Variants in TNRC6C observed in about 807,000 individuals in gnomAD.
TNRC6C encodes the protein trinucleotide repeat containing adaptor 6C.
Under a neutral mutation model 153.7 loss-of-function variants are expected in TNRC6C, and 20 were observed. The ratio of observed to expected loss-of-function variants is 0.13; its 90% CI spans 0.09 to 0.19. The LOEUF (loss-of-function observed/expected upper bound fraction) is 0.19, where lower values mean the gene tolerates loss of function less well. Among genes scored for constraint, TNRC6C ranks in the 10% least tolerant of loss-of-function variants. The pLI is 1.00. For missense variants in TNRC6C, 1,987 were observed against 2,172.0 expected, an observed-to-expected ratio of 0.91 and a Z score of 1.69; for synonymous variants, 811 against 841.4, an observed-to-expected ratio of 0.96 and a Z score of 0.63.
At chr17:77,975,024 C>G (rs544886842) in intron 1 of TNRC6C, among the ~76,000 whole-genome samples, 1 of 133,902 alleles carries the variant, frequency 7.5e-6, no homozygotes, top group Non-Finnish European at 1.6e-5. Flanking sequence ...AAGAAATAAG[C>G]CAGATTAAAA....
At position 78,006,046 on chromosome 17, in the gene TNRC6C, G is replaced by A. The variant is rs541759373; in HGVS notation, c.-546+967G>A. On this transcript the variant is annotated intron_variant, in intron 1 of 19. Coordinates refer to ENST00000301624, the Ensembl canonical transcript of TNRC6C. ...CTCTCACAGCTAATACTATGCTTTTGTGAGACATTTTATAATTTTCAAAGT... is the reference window on the plus strand; with the variant it reads ...CTCTCACAGCTAATACTATGCTTTTATGAGACATTTTATAATTTTCAAAGT... Among the ~76,000 whole-genome samples, 14 of 152,168 alleles carry A rather than the reference G, an allele frequency of 9.2e-5. No individual in the cohort carries two copies. In the South Asian group the frequency reaches 2.9e-3, roughly 32 times the overall value.
At chr17:78,005,842 G>A (rs2071486691) in intron 1 of TNRC6C, among the ~76,000 whole-genome samples, 2 of 151,848 alleles carry the variant, frequency 1.3e-5, no homozygotes, top group Non-Finnish European at 2.9e-5. Context: ...GACTTAATAC[G>A]ATTATTTGTC....
chr17:78,090,865 A>T (rs1338587394), intron 13 of TNRC6C, among the ~76,000 whole-genome samples: 1 of 152,246 alleles, frequency 6.6e-6, no homozygotes, highest in African/African-American at 2.4e-5. Context: ...CTAAAGGTAG[A>T]ACTGAATTAT....
At chr17:78,046,283 G>C (rs2072408506) in intron 2 of TNRC6C, among the ~76,000 whole-genome samples, 1 of 151,754 alleles carries the variant, frequency 6.6e-6, no homozygotes, top group South Asian at 2.1e-4. Flanking sequence ...TTGGGTTCGA[G>C]TGATACTCCT....
intron 1 of TNRC6C, among the ~76,000 whole-genome samples, chr17:78,021,514 A>G (rs2071831252): frequency 6.6e-6 from 1 of 152,192 alleles, no homozygotes; most frequent in South Asian, 2.1e-4. Context: ...TTAACTTTTC[A>G]TTCAGTAATC....
At chr17:78,102,659 G>A in intron 18 of TNRC6C, 115 bp downstream of exon 21, 2 of 1,069,804 alleles carry the variant, frequency 1.9e-6, no homozygotes, top group Non-Finnish European at 2.7e-6. Context: ...CTTGGTCAGG[G>A]TCCATAAGTG....
At chr17:78,003,521 G>A (rs544610363), upstream of TNRC6C, among the ~76,000 whole-genome samples, 5 of 152,270 alleles carry the variant, frequency 3.3e-5, no homozygotes, top group South Asian at 1.0e-3. Flanking sequence ...AGAAGATCAA[G>A]TTGAATCAAG....
chr17:78,007,730 G>T (rs530825533), intron 1 of TNRC6C, among the ~76,000 whole-genome samples: 1 of 152,338 alleles, frequency 6.6e-6, no homozygotes, highest in East Asian at 1.9e-4. Context: ...TCTTAAGAGA[G>T]AAGCTGCAGT....
At chr17:78,058,901 T>C (rs1310570854) in intron 3 of TNRC6C, among the ~76,000 whole-genome samples, 1 of 152,210 alleles carries the variant, frequency 6.6e-6, no homozygotes, top group Non-Finnish European at 1.5e-5. Flanking sequence ...TCTGAAACAA[T>C]TATCATCTTA....
intron 1 of TNRC6C, among the ~76,000 whole-genome samples, chr17:77,989,368 T>C (rs562728289): frequency 2.6e-5 from 4 of 152,338 alleles, no homozygotes; most frequent in Admixed American, 6.5e-5. Flanking sequence ...CTATTTTACA[T>C]GTATAGAATT....
intron 11 of TNRC6C, 25 bp downstream of exon 13, chr17:78,083,191 T>TA: frequency 6.2e-7 from 1 of 1,613,032 alleles, no homozygotes; most frequent in Non-Finnish European, 8.5e-7. Context: ...CCATGCAAGT[T>TA]AGAGCACGCA....
At chr17:78,103,686 G>A (rs1054087961) in intron 19 of TNRC6C, 133 bp downstream of exon 22, 1 of 1,299,656 alleles carries the variant, frequency 7.7e-7, no homozygotes, top group African/African-American at 1.5e-5. Context: ...CCCACTTCTG[G>A]AGGCTGGAAG....
intron 1 of TNRC6C, among the ~76,000 whole-genome samples, chr17:78,005,635 A>G (rs1286108881): frequency 6.6e-6 from 1 of 152,162 alleles, no homozygotes; most frequent in Non-Finnish European, 1.5e-5. Flanking sequence ...AACAAACTGA[A>G]AGCCATACTC....
chr17:78,086,516 T>C, exon 12 of TNRC6C: 2 of 1,613,882 alleles, frequency 1.2e-6, no homozygotes, highest in Non-Finnish European at 8.5e-7. Context: ...TACCAACGTT[T>C]ACAAATCCAG....
At chr17:77,986,424 A>AG (rs1394255339) in intron 1 of TNRC6C, among the ~76,000 whole-genome samples, 4 of 121,040 alleles carry the variant, frequency 3.3e-5, no homozygotes, top group African/African-American at 1.2e-4. Flanking sequence ...AAAAAAAAAA[A>AG]AAAAGAAGAA....
chr17:78,037,503 C>A (rs1284464850), intron 2 of TNRC6C, among the ~76,000 whole-genome samples: 1 of 151,476 alleles, frequency 6.6e-6, no homozygotes, highest in African/African-American at 2.4e-5. Context: ...TGCAAGGAAG[C>A]CTTTCTGGTG....
intron 1 of TNRC6C, among the ~76,000 whole-genome samples, chr17:77,971,952 A>T (rs2070943183): frequency 6.6e-6 from 1 of 152,070 alleles, no homozygotes; most frequent in Non-Finnish European, 1.5e-5. Context: ...TAAATGTATT[A>T]AATATGTATT....
intron 2 of TNRC6C, among the ~76,000 whole-genome samples, chr17:78,033,994 G>A (rs775098816): frequency 5.9e-4 from 90 of 152,288 alleles, no homozygotes; most frequent in Non-Finnish European, 9.6e-4. Flanking sequence ...CTCTCTGGCT[G>A]TGAAGGCCCT....
intron 5 of TNRC6C, 58 bp from the exon 8 acceptor site, chr17:78,071,027 G>A: frequency 1.4e-6 from 2 of 1,477,634 alleles, no homozygotes; most frequent in East Asian, 2.5e-5. Flanking sequence ...CCCATTTCTG[G>A]TAGAAATGCA....
Sources: allele counts gnomAD v4.1 joint callset (sites outside exome capture counted in the v4.1 genomes callset), GRCh38; gene constraint gnomAD v4.1.1; transcripts MANE v1.5; gene names NCBI Gene and HGNC (gene_info 2026-07-23, HGNC 2026-07-21).